Variants in CCDC148 observed in about 807,000 individuals in gnomAD.
The protein encoded by CCDC148 is coiled-coil domain-containing protein 148.
A neutral mutation model predicts 85.7 loss-of-function variants in CCDC148; 89 were observed. The observed-to-expected ratio is 1.04, with a 90% CI of 0.87 to 1.24. The LOEUF is 1.24. Ranked by LOEUF, CCDC148 falls within the 50% of genes most tolerant of loss-of-function variation. The pLI is 0.00. For synonymous variants in CCDC148, 230 were observed against 213.9 expected (o/e 1.08, Z -0.66); for missense variants, 692 against 671.7 (o/e 1.03, Z -0.33).
intron 11 of CCDC148, among the ~76,000 whole-genome samples, chr2:158,196,808 T>C (rs1386644772): frequency 6.6e-6 from 1 of 150,780 alleles, no homozygotes; most frequent in Non-Finnish European, 1.5e-5. Context: ...TGTGTGTCTA[T>C]GTGTTTATAT....
chr2:158,268,452 T>C (rs987874481), intron 9 of CCDC148, among the ~76,000 whole-genome samples: 1 of 152,154 alleles, frequency 6.6e-6, no homozygotes, highest in Admixed American at 6.6e-5. Flanking sequence ...ATTTTCCAGA[T>C]TTATTGAGGT....
At chr2:158,404,053 T>C (rs1685897953) in intron 1 of CCDC148, among the ~76,000 whole-genome samples, 1 of 152,172 alleles carries the variant, frequency 6.6e-6, no homozygotes, top group South Asian at 2.1e-4. Flanking sequence ...AGTTGCCTAA[T>C]GGAAGAGTTA....
chr2:158,334,520 ATTAT>A (rs1222875112), intron 7 of CCDC148, among the ~76,000 whole-genome samples: 1 of 66,894 alleles, frequency 1.5e-5, no homozygotes, highest in African/African-American at 7.2e-5. Context: ...CTACTTCAAG[ATTAT>A]TTATTTTTAT....
intron 1 of CCDC148, among the ~76,000 whole-genome samples, chr2:158,399,528 CAT>C (rs1414870197): frequency 6.6e-6 from 1 of 152,116 alleles, no homozygotes. Flanking sequence ...ACAAAAAACA[CAT>C]GATTATCTCA....
intron 11 of CCDC148, among the ~76,000 whole-genome samples, chr2:158,193,231 T>C (rs907388020): frequency 6.6e-6 from 1 of 152,166 alleles, no homozygotes; most frequent in Non-Finnish European, 1.5e-5. Context: ...TTCTGTCTTA[T>C]GTGCATTCTT....
At chr2:158,416,973 G>A (rs1241581134) in intron 1 of CCDC148, among the ~76,000 whole-genome samples, 2 of 152,170 alleles carry the variant, frequency 1.3e-5, no homozygotes, top group Non-Finnish European at 2.9e-5. Context: ...ATGGCAGAAG[G>A]GGAGGCAGAC....
Position 158,309,463 on chromosome 2 carries a change from T to C in CCDC148, c.1080A>G (p.Gln360=), listed in dbSNP as rs779942677. The C allele has an allele frequency of 2.5e-6, 4 of 1,614,158 alleles. No homozygotes were observed. The highest frequency in any genetic ancestry group is 2.2e-5 in the South Asian group (2 of 91,082). ...ESMLAKDKKK[Q]QELCADLKAK... ...CTTTCAGATCAGCACACAATTCCTG[T>C]TGCTTTTTCTTGTCCTTAGCCAACA... Residue 360 remains glutamine (Q), a synonymous_variant, in exon 9 of 14, where the codon CAA becomes CAG. Transcript: ENST00000283233.
intron 3 of CCDC148, among the ~76,000 whole-genome samples, 170 bp from the exon 4 acceptor site, chr2:158,340,850 C>T (rs547427294): frequency 1.4e-4 from 22 of 152,296 alleles, no homozygotes; most frequent in Non-Finnish European, 2.4e-4. Context: ...GAGGTAGATG[C>T]ATAGGCTCAG....
chr2:158,400,272 C>A (rs4664245), intron 1 of CCDC148, among the ~76,000 whole-genome samples: 4 of 152,096 alleles, frequency 2.6e-5, no homozygotes, highest in Admixed American at 2.6e-4. Flanking sequence ...GCAAAAAGAA[C>A]GAAGCTGGAG....
intron 1 of CCDC148, among the ~76,000 whole-genome samples, chr2:158,386,563 T>C (rs1386429505): frequency 6.6e-6 from 1 of 152,116 alleles, no homozygotes; most frequent in East Asian, 1.9e-4. Context: ...GTACCACAAG[T>C]TCAGCTTGAA....
At chr2:158,339,684 A>T (rs938785110) in intron 5 of CCDC148, among the ~76,000 whole-genome samples, 14 of 152,288 alleles carry the variant, frequency 9.2e-5, no homozygotes, top group African/African-American at 2.9e-4. Context: ...GGCCTCTCAG[A>T]CAAGAGGACA....
At chr2:158,396,146 C>T (rs1296988073) in intron 1 of CCDC148, among the ~76,000 whole-genome samples, 4 of 152,106 alleles carry the variant, frequency 2.6e-5, no homozygotes, top group Admixed American at 2.0e-4. Flanking sequence ...GGTCCCCAGA[C>T]ATAATTATTT....
intron 1 of CCDC148, among the ~76,000 whole-genome samples, chr2:158,377,830 A>G (rs970520766): frequency 1.3e-5 from 2 of 152,130 alleles, no homozygotes; most frequent in African/African-American, 4.8e-5. Flanking sequence ...CTCAAACTGC[A>G]TGCACATAAG....
intron 1 of CCDC148, among the ~76,000 whole-genome samples, chr2:158,451,189 T>G (rs1688391229): frequency 6.7e-6 from 1 of 149,390 alleles, no homozygotes; most frequent in Admixed American, 6.7e-5. Context: ...TGTTGAGTCA[T>G]TTCATCTTTA....
At chr2:158,269,649 C>T (rs1689615997) in intron 9 of CCDC148, among the ~76,000 whole-genome samples, 1 of 152,210 alleles carries the variant, frequency 6.6e-6, no homozygotes. Context: ...GGCACATTCT[C>T]TGTGGCTCCT....
chr2:158,286,803 T>C (rs1187031988), intron 9 of CCDC148, among the ~76,000 whole-genome samples: 1 of 152,122 alleles, frequency 6.6e-6, no homozygotes, highest in Admixed American at 6.5e-5. Context: ...ATATTAGACA[T>C]TTACCTCATA....
Position 158,229,513 on chromosome 2 carries a change from A to G in CCDC148, c.1252-8800T>C, listed in dbSNP as rs563948634. ...CATTCCATTTATGAATTCCTGGACA[A>G]TGCCTCTCAGTTTCTCATAGTGATA... is the stretch of plus-strand genomic sequence containing the variant. On this transcript the variant is annotated intron_variant, in intron 10 of 13. Transcript: ENST00000283233. Among the ~76,000 whole-genome samples, 24 of 152,292 alleles carry G rather than the reference A, an allele frequency of 1.6e-4. No individual in the cohort carries two copies. The East Asian group carries it at 4.4e-3, about 28-fold the overall frequency.
intron 11 of CCDC148, among the ~76,000 whole-genome samples, chr2:158,194,469 A>G (rs1447946290): frequency 6.6e-6 from 1 of 152,108 alleles, no homozygotes; most frequent in Admixed American, 6.6e-5. Context: ...GATTAATTAT[A>G]CTGTTGTATT....
chr2:158,200,803 T>A (rs1294769312), intron 11 of CCDC148, among the ~76,000 whole-genome samples: 2 of 152,226 alleles, frequency 1.3e-5, no homozygotes, highest in Non-Finnish European at 2.9e-5. Context: ...TTATACTTGG[T>A]TCTGTGTAAA....
Sources: allele counts gnomAD v4.1 joint callset (sites outside exome capture counted in the v4.1 genomes callset), GRCh38; gene constraint gnomAD v4.1.1; transcripts MANE v1.5; gene names NCBI Gene and HGNC (gene_info 2026-07-23, HGNC 2026-07-21).